The following STPG2 variants were observed in gnomAD, a reference collection of about 807,000 sequenced individuals.
STPG2 encodes the protein sperm tail PG-rich repeat containing 2.
In STPG2, 56 loss-of-function variants were observed where a neutral mutation model predicts 54.2. That is an observed-to-expected ratio of 1.03 (90% CI 0.83 to 1.29). STPG2 has a LOEUF of 1.29. Among genes scored for constraint, STPG2 ranks in the 50% most tolerant of loss-of-function variants. The pLI is 0.00. For synonymous variants in STPG2, 200 were observed against 181.8 expected (o/e 1.10, Z -0.81); for missense variants, 596 against 544.9 (o/e 1.09, Z -0.93).
At chr4:97,817,895 C>A (rs1185813018) in intron 9 of STPG2, among the ~76,000 whole-genome samples, 1 of 151,632 alleles carries the variant, frequency 6.6e-6, no homozygotes, top group Non-Finnish European at 1.5e-5. Context: ...GAAGAGCTGT[C>A]TTTTATATGC....
intron 6 of STPG2, 32 bp from the exon 7 acceptor site, chr4:97,972,472 T>A (rs767288041): frequency 7.6e-7 from 1 of 1,317,532 alleles, no homozygotes; most frequent in Non-Finnish European, 1.0e-6. Context: ...TATATAAGAA[T>A]AAGCATGCTT....
chr4:97,888,377 A>G (rs1453285822), intron 8 of STPG2, among the ~76,000 whole-genome samples: 1 of 152,210 alleles, frequency 6.6e-6, no homozygotes, highest in Non-Finnish European at 1.5e-5. Flanking sequence ...GAGCTGCCCA[A>G]GACCTTGGGA....
rs1362684718 is a variant in STPG2, at chr4:97,840,812, C to A, written c.1165G>T (p.Ala389Ser). ...AKRKHASFLSATPRCLEKVTD... is the reference protein window; with the variant it reads ...AKRKHASFLSSTPRCLEKVTD... ...ACTTTTTCTAGGCACCGAGGAGTTGCACTAAGAAAAGAGGCATGTTTTCTT... is the reference window on the plus strand; with the variant it reads ...ACTTTTTCTAGGCACCGAGGAGTTGAACTAAGAAAAGAGGCATGTTTTCTT... Residue 389 changes from alanine (A) to serine (S), a missense_variant, in exon 9 of 11, where the codon GCA (alanine) becomes TCA (serine). By Grantham distance (99) the Ala-to-Ser change is moderately conservative. Transcript: ENST00000295268. 1 of 1,611,682 alleles carries A rather than the reference C, an allele frequency of 6.2e-7. No homozygotes were observed. The highest frequency in any genetic ancestry group is 1.7e-5 in the Admixed American group (1 of 59,824).
chr4:97,742,563 G>A (rs62318587), intron 9 of STPG2, among the ~76,000 whole-genome samples: 62,878 of 118,934 alleles, frequency 0.53, 14,622 homozygotes, highest in Admixed American at 0.61. Context: ...GTGTGTGTGT[G>A]TGTCTATATA....
intron 9 of STPG2, among the ~76,000 whole-genome samples, chr4:97,793,109 A>G (rs1378582517): frequency 3.3e-5 from 5 of 151,972 alleles, no homozygotes; most frequent in Admixed American, 2.0e-4. Context: ...AGCCAAGATC[A>G]TGCCACTGCA....
intron 9 of STPG2, among the ~76,000 whole-genome samples, chr4:97,719,313 G>C (rs376075432): frequency 1.3e-5 from 2 of 151,886 alleles, no homozygotes; most frequent in Admixed American, 1.3e-4. Flanking sequence ...TGTAGGGCAT[G>C]ACACATCAGA....
intron 9 of STPG2, among the ~76,000 whole-genome samples, chr4:97,719,180 T>A (rs754850958): frequency 6.6e-6 from 1 of 151,978 alleles, no homozygotes. Context: ...ACATTAATAA[T>A]GTCTACTTTC....
chr4:97,956,990 C>T (rs1733696110), intron 7 of STPG2, among the ~76,000 whole-genome samples: 2 of 151,682 alleles, frequency 1.3e-5, no homozygotes, highest in South Asian at 2.1e-4. Context: ...CCCTGATTTG[C>T]CTGAAAAAGA....
intron 9 of STPG2, among the ~76,000 whole-genome samples, chr4:97,823,286 C>T (rs1728142257): frequency 6.6e-6 from 1 of 152,192 alleles, no homozygotes; most frequent in Non-Finnish European, 1.5e-5. Flanking sequence ...CTCTGGAGCT[C>T]ATGCAGCAGC....
chr4:97,877,150 T>C (rs546558802), intron 8 of STPG2, among the ~76,000 whole-genome samples: 155 of 152,326 alleles, frequency 1.0e-3, no homozygotes, highest in African/African-American at 3.7e-3. Flanking sequence ...TTTACAATTA[T>C]GGTCACCATG....
intron 10 of STPG2, among the ~76,000 whole-genome samples, chr4:97,686,669 A>T (rs957903522): frequency 2.6e-5 from 4 of 152,116 alleles, no homozygotes; most frequent in African/African-American, 9.7e-5. Flanking sequence ...CAATGTTAAA[A>T]TTATTTGTTC....
chr4:98,004,545 T>C (rs1735515072), intron 5 of STPG2, among the ~76,000 whole-genome samples: 1 of 152,192 alleles, frequency 6.6e-6, no homozygotes, highest in Non-Finnish European at 1.5e-5. Context: ...TCGATTTTTA[T>C]ATTTTAAAAA....
chr4:98,037,453 G>C (rs1736812194), intron 5 of STPG2, among the ~76,000 whole-genome samples: 1 of 151,968 alleles, frequency 6.6e-6, no homozygotes, highest in Admixed American at 6.6e-5. Flanking sequence ...ATTAAGGCTA[G>C]AAGATAATAA....
chr4:97,547,572 C>T (rs2148865676), intron 4 of STPG2, among the ~76,000 whole-genome samples: 1 of 152,224 alleles, frequency 6.6e-6, no homozygotes, highest in Non-Finnish European at 1.5e-5. Flanking sequence ...AAGTACTCTG[C>T]CTGCAACGTG....
intron 5 of STPG2, among the ~76,000 whole-genome samples, chr4:98,000,687 G>A (rs953601757): frequency 6.6e-6 from 1 of 152,058 alleles, no homozygotes; most frequent in African/African-American, 2.4e-5. Flanking sequence ...AACATGGTAA[G>A]GAAAACTCTA....
intron 7 of STPG2, among the ~76,000 whole-genome samples, chr4:97,971,508 T>C (rs898714670): frequency 1.3e-5 from 2 of 152,122 alleles, no homozygotes; most frequent in African/African-American, 2.4e-5. Flanking sequence ...TATATGGATA[T>C]GAAGCTGAAA....
chr4:97,625,418 T>G lies in STPG2; in HGVS notation c.1321-66301A>C, dbSNP rs541885061. Among the ~76,000 whole-genome samples the G allele has an allele frequency of 1.2e-3, 183 of 152,300 alleles. 2 individuals carry two copies. The highest frequency in any genetic ancestry group is 4.2e-3 in the African/African-American group (175 of 41,572). On this transcript the variant is annotated intron_variant, in intron 10 of 10. Transcript: ENST00000295268. The stretch of plus-strand genomic sequence containing the variant: ...TCTGCTTCCTGGGTTCAAGCAATTC[T>G]TCTGCCTCAGCCTCCCGAGTAGCTG...
At chr4:97,750,127 C>G in intron 9 of STPG2, among the ~76,000 whole-genome samples, 1 of 151,844 alleles carries the variant, frequency 6.6e-6, no homozygotes, top group East Asian at 1.9e-4. Flanking sequence ...AAATAGAATG[C>G]TTTCTTGCAG....
chr4:97,480,402 C>A (rs1019704142), intron 4 of STPG2, among the ~76,000 whole-genome samples: 12 of 151,458 alleles, frequency 7.9e-5, no homozygotes, highest in African/African-American at 2.9e-4. Flanking sequence ...GAAAATAATG[C>A]CAATTCTACT....
Sources: gnomAD v4.1 joint callset for allele counts (sites outside exome capture counted in the v4.1 genomes callset) on GRCh38, gnomAD v4.1.1 for gene constraint, MANE v1.5 for transcripts, NCBI Gene and HGNC (gene_info 2026-07-23, HGNC 2026-07-21) for gene names.